Variants in NCAM2 observed in about 807,000 individuals in gnomAD.
NCAM2 encodes the protein N-CAM-2.
In NCAM2, 30 loss-of-function variants were observed where a neutral mutation model predicts 98.1. That is an observed-to-expected ratio of 0.31 (90% CI 0.23 to 0.41). The LOEUF is 0.41. Among genes scored for constraint, NCAM2 ranks in the 10% least tolerant of loss-of-function variants. The pLI is 1.00. For missense variants in NCAM2, 867 were observed against 1,005.8 expected (o/e 0.86, Z 1.87); for synonymous variants, 368 against 342.4 (o/e 1.07, Z -0.83).
At chr21:21,154,745 T>C (rs1274932150) in intron 1 of NCAM2, among the ~76,000 whole-genome samples, 1 of 151,880 alleles carries the variant, frequency 6.6e-6, no homozygotes, top group East Asian at 1.9e-4. Flanking sequence ...TTTGTGTGTA[T>C]GTTTATATGC....
At chr21:21,377,228 TGA>T (rs2076053422) in intron 9 of NCAM2, among the ~76,000 whole-genome samples, 1 of 151,680 alleles carries the variant, frequency 6.6e-6, no homozygotes, top group African/African-American at 2.4e-5. Context: ...ATGTAAAATA[TGA>T]GTTTTGACCT....
intron 1 of NCAM2, among the ~76,000 whole-genome samples, chr21:21,199,575 C>T (rs1235307730): frequency 6.6e-6 from 1 of 152,138 alleles, no homozygotes; most frequent in Admixed American, 6.6e-5. Flanking sequence ...AAATGACTAA[C>T]CTTGAGAGTA....
At chr21:21,468,876 A>G in intron 14 of NCAM2, 93 bp downstream of exon 14, 1 of 1,104,280 alleles carries the variant, frequency 9.1e-7, no homozygotes, top group Non-Finnish European at 1.3e-6. Flanking sequence ...GAGAATGTGT[A>G]TTTAGTAATT....
rs1418490731 is a variant in NCAM2 at position 21,542,671 on chromosome 21, C to G, written c.*4714C>G. 6.6e-6 allele frequency: 1 copy of G among 151,668 alleles called. No homozygotes were observed. Among genetic ancestry groups the G allele is most frequent in the East Asian group, 1.9e-4 (1 of 5,166 alleles). The allele number at this position is 151,668 out of a possible 1,614,324, so 9.4% of individuals were successfully genotyped here. A position where few individuals can be genotyped will look rare whatever the true frequency, so the allele number is the denominator to read the frequency against. On this transcript the variant is annotated 3_prime_UTR_variant, in exon 18 of 18. Transcript: ENST00000400546. Reference sequence around the variant, plus strand: ...TAGAGAAACAAAGAAATGAGTGGATCTAGAAAGGCAAACTGAATTGCTATA... The same window carrying G: ...TAGAGAAACAAAGAAATGAGTGGATGTAGAAAGGCAAACTGAATTGCTATA...
At chr21:21,318,447 C>T (rs1368924702) in intron 5 of NCAM2, among the ~76,000 whole-genome samples, 1 of 151,796 alleles carries the variant, frequency 6.6e-6, no homozygotes, top group Non-Finnish European at 1.5e-5. Flanking sequence ...TTTAATAAGC[C>T]CTTTAGATTG....
At chr21:21,216,152 A>G (rs1376463241) in intron 1 of NCAM2, among the ~76,000 whole-genome samples, 1 of 152,294 alleles carries the variant, frequency 6.6e-6, no homozygotes, top group African/African-American at 2.4e-5. Flanking sequence ...GCTTTTGACT[A>G]TGTGCCAGGC....
chr21:21,518,285 A>C (rs1988824589), intron 16 of NCAM2, among the ~76,000 whole-genome samples: 1 of 152,142 alleles, frequency 6.6e-6, no homozygotes, highest in Non-Finnish European at 1.5e-5. Context: ...GATGATAATT[A>C]GATAACATAT....
chr21:21,292,691 G>C (rs1008010172), intron 5 of NCAM2, among the ~76,000 whole-genome samples: 1 of 151,806 alleles, frequency 6.6e-6, no homozygotes, highest in Non-Finnish European at 1.5e-5. Context: ...ATGAAATCAT[G>C]ATGAAATCTC....
chr21:21,053,711 A>C lies in NCAM2; in HGVS notation c.55+55093A>C, dbSNP rs567243763. ...TATTTAAGAAACCAGTTTTATTTTTATTTACTCCTTTTCTGTCATTTTGCG... is the reference window on the plus strand; with the variant it reads ...TATTTAAGAAACCAGTTTTATTTTTCTTTACTCCTTTTCTGTCATTTTGCG... On this transcript the variant is annotated intron_variant, in intron 1 of 17. Coordinates refer to ENST00000400546, the MANE Select transcript of NCAM2 (RefSeq NM_004540.5). Among the ~76,000 whole-genome samples the C allele has an allele frequency of 9.6e-5, 14 of 146,390 alleles. No individual in the cohort carries two copies. In the South Asian group the frequency reaches 3.0e-3, roughly 32 times the overall value.
At chr21:21,254,484 A>C (rs1396678114) in intron 1 of NCAM2, among the ~76,000 whole-genome samples, 1 of 152,160 alleles carries the variant, frequency 6.6e-6, no homozygotes, top group Non-Finnish European at 1.5e-5. Context: ...ATGATCAGAA[A>C]ATGGCATGTT....
intron 15 of NCAM2, among the ~76,000 whole-genome samples, chr21:21,501,845 A>T (rs1987657484): frequency 6.6e-6 from 1 of 152,026 alleles, no homozygotes. Flanking sequence ...AATATTAAAA[A>T]TTACAATCAT....
intron 1 of NCAM2, among the ~76,000 whole-genome samples, chr21:21,080,676 AAAAAC>A (rs796424454): frequency 1.1e-3 from 160 of 147,426 alleles, no homozygotes; most frequent in African/African-American, 1.9e-3. Context: ...AAAAAAAAAA[AAAAAC>A]CAACATTGAT....
At chr21:21,334,574 T>C (rs766982135) in intron 6 of NCAM2, among the ~76,000 whole-genome samples, 1 of 152,034 alleles carries the variant, frequency 6.6e-6, no homozygotes. Flanking sequence ...CCATTAGTGG[T>C]TTTAAAATCA....
intron 1 of NCAM2, among the ~76,000 whole-genome samples, chr21:21,057,064 A>G (rs751819690): frequency 2.0e-5 from 3 of 152,034 alleles, no homozygotes; most frequent in Non-Finnish European, 4.4e-5. Flanking sequence ...TTCCCCCCAA[A>G]ATATAAAGAG....
chr21:21,216,738 C>T (rs1268298060), intron 1 of NCAM2, among the ~76,000 whole-genome samples: 2 of 152,156 alleles, frequency 1.3e-5, no homozygotes. Context: ...CATGTTCTTT[C>T]AATACATGAC....
chr21:21,439,034 T>G (rs62214326), intron 12 of NCAM2, among the ~76,000 whole-genome samples: 3 of 151,794 alleles, frequency 2.0e-5, no homozygotes, highest in African/African-American at 4.8e-5. Context: ...TGCAGAGAAC[T>G]ATGACTGTGC....
chr21:21,097,327 C>G (rs2066144701), intron 1 of NCAM2, among the ~76,000 whole-genome samples: 1 of 151,492 alleles, frequency 6.6e-6, no homozygotes, highest in African/African-American at 2.4e-5. Flanking sequence ...GTCAATATAC[C>G]ATAGTAACTG....
chr21:21,425,179 A>G (rs188191132), intron 11 of NCAM2, among the ~76,000 whole-genome samples: 131 of 152,012 alleles, frequency 8.6e-4, no homozygotes, highest in Admixed American at 1.8e-3. Context: ...GGTGTTCTAG[A>G]GACAGATTTC....
At chr21:21,411,219 CAT>C (rs1202895712) in intron 10 of NCAM2, among the ~76,000 whole-genome samples, 4 of 128,062 alleles carry the variant, frequency 3.1e-5, no homozygotes, top group Non-Finnish European at 3.3e-5. Context: ...AAAATTTTTC[CAT>C]ATATATATAT....
Sources: gnomAD v4.1 joint callset for allele counts (sites outside exome capture counted in the v4.1 genomes callset) on GRCh38, gnomAD v4.1.1 for gene constraint, MANE v1.5 for transcripts, NCBI Gene and HGNC (gene_info 2026-07-23, HGNC 2026-07-21) for gene names.